NRXN1: variants seen among roughly 807,000 people sequenced by gnomAD.
The protein encoded by NRXN1 is neurexin 1.
In NRXN1, 39 loss-of-function variants were observed where a neutral mutation model predicts 150.9. The observed-to-expected ratio is 0.26, with a 90% CI of 0.20 to 0.34. The LOEUF is 0.34. Ranked by LOEUF, NRXN1 falls within the 10% of genes least tolerant of loss-of-function variation. The probability of loss-of-function intolerance (pLI) is 1.00; values close to 1 mark genes in which losing one functional copy is unlikely to be tolerated. For synonymous variants in NRXN1, 924 were observed against 757.0 expected, an observed-to-expected ratio of 1.22 and a Z score of -3.62; for missense variants, 1,815 against 1,949.9, an observed-to-expected ratio of 0.93 and a Z score of 1.30.
intron 18 of NRXN1, among the ~76,000 whole-genome samples, chr2:50,186,723 C>A (rs188866119): frequency 4.6e-5 from 7 of 152,096 alleles, no homozygotes; most frequent in Admixed American, 3.9e-4. Flanking sequence ...TCTGAACTTT[C>A]ATTTAACCAG....
At chr2:50,235,950 A>T (rs1157337669) in intron 18 of NRXN1, among the ~76,000 whole-genome samples, 1 of 152,114 alleles carries the variant, frequency 6.6e-6, no homozygotes, top group Admixed American at 6.6e-5. Context: ...TCAATAAAAT[A>T]TTCATATCTC....
chr2:50,659,515 C>T (rs550624649), intron 5 of NRXN1, among the ~76,000 whole-genome samples: 1 of 151,478 alleles, frequency 6.6e-6, no homozygotes. Context: ...TGGAATGAAT[C>T]CTACTTAAAA....
intron 17 of NRXN1, among the ~76,000 whole-genome samples, chr2:50,428,570 C>T (rs971057324): frequency 3.9e-5 from 6 of 152,100 alleles, no homozygotes; most frequent in South Asian, 2.1e-4. Context: ...GTTAGATATT[C>T]GTTTCATTGT....
chr2:50,786,700 G>C (rs1029281344), intron 5 of NRXN1, among the ~76,000 whole-genome samples: 1 of 152,114 alleles, frequency 6.6e-6, no homozygotes, highest in Non-Finnish European at 1.5e-5. Flanking sequence ...CCGTGTGGCA[G>C]TTCCTCCCTT....
intron 17 of NRXN1, among the ~76,000 whole-genome samples, chr2:50,296,796 G>C (rs2073625824): frequency 6.6e-6 from 1 of 151,582 alleles, no homozygotes; most frequent in Non-Finnish European, 1.5e-5. Flanking sequence ...AGAACATGCA[G>C]TATGAATTTT....
intron 18 of NRXN1, among the ~76,000 whole-genome samples, chr2:50,183,263 T>C (rs1451960067): frequency 6.6e-6 from 1 of 152,092 alleles, no homozygotes. Context: ...TGAATAAAAA[T>C]TGGCATCTGA....
chr2:49,962,435 T>C (rs190305600), intron 21 of NRXN1, among the ~76,000 whole-genome samples: 1 of 152,364 alleles, frequency 6.6e-6, no homozygotes, highest in Admixed American at 6.5e-5. Context: ...ACTTGCTGAA[T>C]AACTGCCTAC....
intron 21 of NRXN1, among the ~76,000 whole-genome samples, chr2:49,996,568 G>A (rs1010179945): frequency 3.3e-5 from 5 of 152,180 alleles, no homozygotes; most frequent in African/African-American, 1.2e-4. Flanking sequence ...TGGGCCCAGT[G>A]TAATGACAAG....
At chr2:50,338,710 A>G (rs944559242) in intron 17 of NRXN1, among the ~76,000 whole-genome samples, 19 of 149,450 alleles carry the variant, frequency 1.3e-4, no homozygotes, top group Non-Finnish European at 2.2e-4. Flanking sequence ...AGAAAGAGAA[A>G]AAAAAAAAAA....
At chr2:50,769,921 T>C (rs1385933682) in intron 5 of NRXN1, among the ~76,000 whole-genome samples, 1 of 152,028 alleles carries the variant, frequency 6.6e-6, no homozygotes, top group Non-Finnish European at 1.5e-5. Flanking sequence ...GAACAAATAA[T>C]GTTTGGGAAT....
At chr2:50,516,193 T>C (rs1316504996) in intron 12 of NRXN1, among the ~76,000 whole-genome samples, 1 of 152,184 alleles carries the variant, frequency 6.6e-6, no homozygotes, top group African/African-American at 2.4e-5. Flanking sequence ...AGAGGCAGGA[T>C]GAGCCACATA....
intron 15 of NRXN1, among the ~76,000 whole-genome samples, chr2:50,483,450 T>A (rs2090628784): frequency 2.0e-5 from 3 of 152,350 alleles, no homozygotes; most frequent in African/African-American, 7.2e-5. Flanking sequence ...CTTTACTCTA[T>A]GGACTTGCCC....
chr2:49,962,543 C>T (rs1422644547), intron 21 of NRXN1, among the ~76,000 whole-genome samples: 1 of 152,118 alleles, frequency 6.6e-6, no homozygotes, highest in Non-Finnish European at 1.5e-5. Flanking sequence ...AACCCATTGA[C>T]CTGGGGCAAA....
intron 18 of NRXN1, among the ~76,000 whole-genome samples, chr2:50,198,369 C>T (rs1162196404): frequency 1.3e-5 from 2 of 152,022 alleles, no homozygotes; most frequent in Admixed American, 6.6e-5. Context: ...TAGCCATGAT[C>T]CCATGTAGGA....
intron 5 of NRXN1, among the ~76,000 whole-genome samples, chr2:50,742,050 G>T (rs1243855755): frequency 6.6e-6 from 1 of 151,984 alleles, no homozygotes. Context: ...AAAAGGAAAA[G>T]AAAATAAAAG....
intron 5 of NRXN1, among the ~76,000 whole-genome samples, chr2:50,830,502 C>A (rs1574633082): frequency 6.6e-6 from 1 of 150,998 alleles, no homozygotes; most frequent in East Asian, 1.9e-4. Context: ...AAAAAAAGTT[C>A]AAAAAGCTCT....
chr2:50,892,436 G>A (rs1272799420), intron 5 of NRXN1, among the ~76,000 whole-genome samples: 1 of 152,062 alleles, frequency 6.6e-6, no homozygotes, highest in Non-Finnish European at 1.5e-5. Flanking sequence ...AATTCATTAA[G>A]CCCTCCCAGT....
intron 2 of NRXN1, among the ~76,000 whole-genome samples, chr2:50,936,186 A>G (rs1035557779): frequency 2.0e-5 from 3 of 152,204 alleles, no homozygotes; most frequent in African/African-American, 7.2e-5. Flanking sequence ...AGGTCATCTG[A>G]TATTTTATCA....
At chr2:50,098,830 GTTTTTTTTTTTTTTTTTTT>G (rs746736925) in intron 18 of NRXN1, among the ~76,000 whole-genome samples, 38 of 105,546 alleles carry the variant, frequency 3.6e-4, no homozygotes, top group Admixed American at 5.6e-4. Flanking sequence ...TTTGGTTTTA[GTTTTTTTTTTTTTTTTTTT>G]TTTTTTTTTT....
Sources: gnomAD v4.1 joint callset for allele counts (sites outside exome capture counted in the v4.1 genomes callset) on GRCh38, gnomAD v4.1.1 for gene constraint, MANE v1.5 for transcripts, NCBI Gene and HGNC (gene_info 2026-07-23, HGNC 2026-07-21) for gene names.